Variants in DLGAP1 observed in about 807,000 individuals in gnomAD.
DLGAP1 encodes disks large-associated protein 1.
In DLGAP1, 11 loss-of-function variants were observed where a neutral mutation model predicts 90.8. The observed-to-expected ratio is 0.12, with a 90% CI of 0.08 to 0.20. DLGAP1 has a LOEUF of 0.20. Among genes scored for constraint, DLGAP1 ranks in the 10% least tolerant of loss-of-function variants. The pLI is 1.00. For missense variants in DLGAP1, 1,050 were observed against 1,333.8 expected, an observed-to-expected ratio of 0.79 and a Z score of 3.31; for synonymous variants, 558 against 540.7, an observed-to-expected ratio of 1.03 and a Z score of -0.44.
intron 2 of DLGAP1, among the ~76,000 whole-genome samples, chr18:4,108,827 CAGT>C (rs1374454158): frequency 6.6e-6 from 1 of 151,056 alleles, no homozygotes; most frequent in African/African-American, 2.4e-5. Flanking sequence ...GGAATATTTC[CAGT>C]AGAAGGAGAA....
intron 6 of DLGAP1, among the ~76,000 whole-genome samples, chr18:3,737,969 A>C (rs1171273394): frequency 6.6e-6 from 1 of 150,828 alleles, no homozygotes; most frequent in Non-Finnish European, 1.5e-5. Flanking sequence ...AAGCATTGTT[A>C]TACACCAACA....
At chr18:4,337,383 C>T (rs571959713) in intron 1 of DLGAP1, among the ~76,000 whole-genome samples, 5 of 151,690 alleles carry the variant, frequency 3.3e-5, no homozygotes, top group Non-Finnish European at 7.4e-5. Flanking sequence ...TTTGTAGCGA[C>T]GGGGTCGCCA....
chr18:3,991,740 C>A (rs1462375759), intron 3 of DLGAP1, among the ~76,000 whole-genome samples: 1 of 152,186 alleles, frequency 6.6e-6, no homozygotes, highest in East Asian at 1.9e-4. Flanking sequence ...ACTCTCCAGA[C>A]CAGGAATCTC....
rs1346902450 is a variant in DLGAP1 at position 3,775,247 on chromosome 18, T to C, written c.1173-32735A>G. 6.6e-6 allele frequency among the ~76,000 whole-genome samples: 1 copy of C among 152,242 alleles called. No homozygotes were observed. Among genetic ancestry groups the C allele is most frequent in the Non-Finnish European group, 1.5e-5 (1 of 68,038 alleles). On this transcript the variant is annotated intron_variant, in intron 5 of 12. Transcript: ENST00000315677. The surrounding 1 kb of genome is among the most constrained non-coding windows in gnomAD (Gnocchi z 4.9). Reference sequence around the variant, plus strand: ...TGTAACAATTCTCCTTCCATTCCCCTGTGTTATGCACATCGATATGGTTTG... The same window carrying C: ...TGTAACAATTCTCCTTCCATTCCCCCGTGTTATGCACATCGATATGGTTTG...
At chr18:4,047,709 T>C (rs1441365557) in intron 2 of DLGAP1, among the ~76,000 whole-genome samples, 2 of 152,224 alleles carry the variant, frequency 1.3e-5, no homozygotes, top group Non-Finnish European at 2.9e-5. Context: ...AGATCAAGAA[T>C]TGAGCTGTTA....
intron 7 of DLGAP1, among the ~76,000 whole-genome samples, chr18:3,608,733 G>C (rs1026129759): frequency 1.3e-5 from 2 of 152,210 alleles, no homozygotes; most frequent in African/African-American, 4.8e-5. Context: ...TCTATACCCA[G>C]AGGCGAAGAA....
intron 5 of DLGAP1, among the ~76,000 whole-genome samples, chr18:3,800,085 C>G (rs2066216395): frequency 6.6e-6 from 1 of 152,126 alleles, no homozygotes; most frequent in South Asian, 2.1e-4. Flanking sequence ...GTCTCAGAAC[C>G]CAGTCTTCCC....
intron 1 of DLGAP1, among the ~76,000 whole-genome samples, chr18:4,216,206 G>T (rs1489889649): frequency 6.6e-6 from 1 of 151,916 alleles, no homozygotes; most frequent in East Asian, 1.9e-4. Flanking sequence ...CTGGAGAAAA[G>T]CCCCTTAGAA....
At chr18:4,361,456 AAT>A (rs2081628486) in intron 1 of DLGAP1, among the ~76,000 whole-genome samples, 1 of 152,216 alleles carries the variant, frequency 6.6e-6, no homozygotes, top group South Asian at 2.1e-4. Flanking sequence ...TCTTTACATT[AAT>A]GGTCAAATGA....
At chr18:4,122,855 G>C (rs762664518) in intron 2 of DLGAP1, among the ~76,000 whole-genome samples, 3 of 152,110 alleles carry the variant, frequency 2.0e-5, no homozygotes, top group Non-Finnish European at 2.9e-5. Context: ...AAGAGCAAAG[G>C]TTCTCCCTTC....
intron 5 of DLGAP1, among the ~76,000 whole-genome samples, chr18:3,787,294 C>T (rs1272601563): frequency 2.0e-5 from 3 of 151,578 alleles, no homozygotes; most frequent in African/African-American, 7.3e-5. Context: ...CCAGCCTGGC[C>T]GATATGGTGA....
chr18:4,442,256 C>T (rs2083554856), intron 1 of DLGAP1, among the ~76,000 whole-genome samples: 1 of 152,168 alleles, frequency 6.6e-6, no homozygotes, highest in Non-Finnish European at 1.5e-5. Flanking sequence ...CCTCGGCCTC[C>T]CAAAGTGCTG....
chr18:3,928,278 C>A (rs1350282197), intron 3 of DLGAP1, among the ~76,000 whole-genome samples: 1 of 152,170 alleles, frequency 6.6e-6, no homozygotes, highest in Non-Finnish European at 1.5e-5. Flanking sequence ...TGGAACAAAA[C>A]CCATTGGCTC....
chr18:4,187,260 T>A (rs113820270), intron 1 of DLGAP1, among the ~76,000 whole-genome samples: 28,424 of 152,022 alleles, frequency 0.19, 3,125 homozygotes, highest in Admixed American at 0.27. Flanking sequence ...TGTCTGATTG[T>A]TCTGGCCAGG....
chr18:4,417,336 T>C (rs1195050677), intron 1 of DLGAP1, among the ~76,000 whole-genome samples: 1 of 152,170 alleles, frequency 6.6e-6, no homozygotes, highest in Non-Finnish European at 1.5e-5. Flanking sequence ...TTTGTTAATA[T>C]ATAATGGGTT....
At chr18:4,255,008 CA>C (rs2078859581) in intron 1 of DLGAP1, among the ~76,000 whole-genome samples, 5 of 152,286 alleles carry the variant, frequency 3.3e-5, no homozygotes, top group Admixed American at 3.3e-4. Flanking sequence ...TAAAGGAATG[CA>C]CAGAATTAGC....
At chr18:3,635,039 C>T (rs1456062079) in intron 7 of DLGAP1, among the ~76,000 whole-genome samples, 1 of 151,976 alleles carries the variant, frequency 6.6e-6, no homozygotes, top group East Asian at 1.9e-4. Context: ...GAAATCACTA[C>T]AATAGAAGAT....
chr18:3,747,020 A>G (rs1275154230), intron 5 of DLGAP1, among the ~76,000 whole-genome samples: 1 of 152,204 alleles, frequency 6.6e-6, no homozygotes, highest in Admixed American at 6.5e-5. Context: ...GATCTAGAAT[A>G]TAACATCGAA....
intron 7 of DLGAP1, among the ~76,000 whole-genome samples, chr18:3,610,859 T>C (rs2057577540): frequency 6.7e-6 from 1 of 149,094 alleles, no homozygotes; most frequent in African/African-American, 2.5e-5. Flanking sequence ...AAAAAGATGG[T>C]ATAAAAGTAT....
Sources: allele counts gnomAD v4.1 joint callset (sites outside exome capture counted in the v4.1 genomes callset), GRCh38; gene constraint gnomAD v4.1.1; non-coding constraint Gnocchi (gnomAD v3.1); transcripts MANE v1.5; gene names NCBI Gene and HGNC (gene_info 2026-07-23, HGNC 2026-07-21).